The following CDH13 variants were observed in gnomAD, a reference collection of about 807,000 sequenced individuals.
The protein encoded by CDH13 is cadherin 13.
CDH13 carries 24 observed loss-of-function variants against 63.8 expected under a neutral mutation model. The ratio of observed to expected loss-of-function variants is 0.38; its 90% CI spans 0.27 to 0.53. The LOEUF (loss-of-function observed/expected upper bound fraction) is 0.53. CDH13 is among the 20% of genes least tolerant of loss of function. The pLI, the probability that CDH13 is intolerant of heterozygous loss-of-function variation, is 0.85. For missense variants in CDH13, 1,049 were observed against 903.1 expected (o/e 1.16, Z -2.07); for synonymous variants, 503 against 355.3 (o/e 1.42, Z -4.67).
chr16:83,094,741 C>G (rs980990633), intron 3 of CDH13, among the ~76,000 whole-genome samples: 1 of 152,194 alleles, frequency 6.6e-6, no homozygotes, highest in African/African-American at 2.4e-5. Context: ...TAACAACTGT[C>G]TTCCCCTGAA....
intron 5 of CDH13, among the ~76,000 whole-genome samples, chr16:83,243,521 C>T (rs776370321): frequency 6.6e-6 from 1 of 152,130 alleles, no homozygotes; most frequent in Admixed American, 6.6e-5. Flanking sequence ...AGCTACATTT[C>T]AAGATGAGAT....
chr16:83,162,653 C>G (rs1359935429), intron 4 of CDH13, among the ~76,000 whole-genome samples: 1 of 152,038 alleles, frequency 6.6e-6, no homozygotes, highest in Non-Finnish European at 1.5e-5. Flanking sequence ...TAAACAGTTA[C>G]TGAATGAGCT....
chr16:82,784,446 C>G (rs775995714), intron 1 of CDH13, among the ~76,000 whole-genome samples: 4 of 152,090 alleles, frequency 2.6e-5, no homozygotes, highest in Non-Finnish European at 5.9e-5. Flanking sequence ...GAAGGGACAG[C>G]GAATGCTCTC....
intron 2 of CDH13, among the ~76,000 whole-genome samples, chr16:83,011,556 G>C (rs960106044): frequency 1.3e-5 from 2 of 152,078 alleles, no homozygotes; most frequent in African/African-American, 2.4e-5. Flanking sequence ...TTCCCCATCT[G>C]AGTCAACCGG....
At chr16:83,244,098 A>G (rs1904746646) in intron 5 of CDH13, among the ~76,000 whole-genome samples, 1 of 151,890 alleles carries the variant, frequency 6.6e-6, no homozygotes, top group Admixed American at 6.6e-5. Context: ...TGCTTGGTGA[A>G]GGTGCAGTGA....
At chr16:83,631,385 T>C (rs1050389492) in intron 8 of CDH13, among the ~76,000 whole-genome samples, 1 of 152,152 alleles carries the variant, frequency 6.6e-6, no homozygotes, top group African/African-American at 2.4e-5. Context: ...GGTGGCCCTG[T>C]TGCTTGGAGA....
rs553022314 is a variant in CDH13, at chr16:82,649,308, A to G, written c.45+22171A>G. Among the ~76,000 whole-genome samples, 166 of 152,294 alleles carry G rather than the reference A, an allele frequency of 1.1e-3. 1 individual carries two copies. Among genetic ancestry groups the G allele is most frequent in the Admixed American group, 3.2e-3 (49 of 15,296 alleles). Reference sequence around the variant, plus strand: ...AGATGATGGATGGAAGGATGAATGCATAGATGGAGGATGGATGGATGGATG... The same window carrying G: ...AGATGATGGATGGAAGGATGAATGCGTAGATGGAGGATGGATGGATGGATG... On this transcript the variant is annotated intron_variant, in intron 1 of 13. Transcript: ENST00000567109.
chr16:83,458,093 G>A lies in CDH13; in HGVS notation c.782-28384G>A, dbSNP rs998135166. The stretch of plus-strand genomic sequence containing the variant: ...CCACTGTCGCCATTACAGACAGAAC[G>A]CTCCTAACAGAGAGCTTCCAAGAAA... On this transcript the variant is annotated intron_variant, in intron 6 of 13. Transcript: ENST00000567109. 4.6e-5 allele frequency among the ~76,000 whole-genome samples: 7 copies of A among 152,072 alleles called. No homozygotes were observed. In the South Asian group the frequency reaches 6.2e-4, roughly 14 times the overall value.
chr16:83,706,808 T>C (rs1168690354), intron 10 of CDH13, among the ~76,000 whole-genome samples: 2 of 152,214 alleles, frequency 1.3e-5, no homozygotes, highest in African/African-American at 2.4e-5. Flanking sequence ...GAATGGATGA[T>C]ATTTTTAGGC....
chr16:83,562,098 C>CA (rs2075720136), intron 7 of CDH13, among the ~76,000 whole-genome samples: 1 of 152,172 alleles, frequency 6.6e-6, no homozygotes, highest in South Asian at 2.1e-4. Flanking sequence ...GTTTAGATCT[C>CA]AGACTAGTGC....
At chr16:83,600,542 T>G (rs917284197) in intron 7 of CDH13, among the ~76,000 whole-genome samples, 3 of 152,208 alleles carry the variant, frequency 2.0e-5, no homozygotes, top group Non-Finnish European at 4.4e-5. Context: ...CCATGTAAAC[T>G]TAGGACTTCA....
chr16:82,955,745 C>G (rs1597289041), intron 2 of CDH13, among the ~76,000 whole-genome samples: 1 of 152,174 alleles, frequency 6.6e-6, no homozygotes, highest in Admixed American at 6.5e-5. Flanking sequence ...TGCTGGGATT[C>G]TCTTCATTGC....
At chr16:83,406,255 C>G (rs1472117710) in intron 6 of CDH13, among the ~76,000 whole-genome samples, 1 of 152,156 alleles carries the variant, frequency 6.6e-6, no homozygotes, top group Non-Finnish European at 1.5e-5. Context: ...AGCCACACAG[C>G]TGTAAGAAAT....
chr16:83,397,105 C>G (rs2091899167), intron 6 of CDH13, among the ~76,000 whole-genome samples: 1 of 152,222 alleles, frequency 6.6e-6, no homozygotes, highest in Non-Finnish European at 1.5e-5. Context: ...GCCCCCTTAC[C>G]CCCACTCCCC....
chr16:82,955,361 A>T (rs1168768753), intron 2 of CDH13, among the ~76,000 whole-genome samples: 1 of 152,200 alleles, frequency 6.6e-6, no homozygotes, highest in East Asian at 1.9e-4. Context: ...TCGGTACATG[A>T]TCAGAGTTGA....
chr16:83,212,698 G>A (rs1043878039), intron 4 of CDH13, among the ~76,000 whole-genome samples: 1 of 152,180 alleles, frequency 6.6e-6, no homozygotes, highest in African/African-American at 2.4e-5. Flanking sequence ...GGTGCTGAAA[G>A]CTGCCCAAAG....
intron 7 of CDH13, among the ~76,000 whole-genome samples, chr16:83,536,795 C>T (rs986207220): frequency 2.0e-5 from 3 of 152,058 alleles, no homozygotes; most frequent in Non-Finnish European, 4.4e-5. Context: ...GGTGCCACTT[C>T]GAGGGCTGTT....
intron 1 of CDH13, chr16:82,823,419 T>G (rs1051581982): frequency 1.3e-5 from 2 of 152,028 alleles, no homozygotes; most frequent in African/African-American, 2.4e-5. Flanking sequence ...AAAAGTACAT[T>G]TAAAAAAAAA....
intron 1 of CDH13, among the ~76,000 whole-genome samples, chr16:82,705,545 G>T (rs1484856636): frequency 6.6e-6 from 1 of 152,040 alleles, no homozygotes; most frequent in Non-Finnish European, 1.5e-5. Flanking sequence ...GAATTTCATG[G>T]GGCTGGTGAT....
Sources: allele counts gnomAD v4.1 joint callset (sites outside exome capture counted in the v4.1 genomes callset), GRCh38; gene constraint gnomAD v4.1.1; transcripts MANE v1.5; gene names NCBI Gene and HGNC (gene_info 2026-07-23, HGNC 2026-07-21).